The following GPC6 variants were observed in gnomAD, a reference collection of about 807,000 sequenced individuals.
GPC6 encodes glypican-6.
A neutral mutation model predicts 55.2 loss-of-function variants in GPC6; 14 were observed. That is an observed-to-expected ratio of 0.25 (90% CI 0.17 to 0.40). GPC6 has a LOEUF of 0.40. Ranked by LOEUF, GPC6 falls within the 10% of genes least tolerant of loss-of-function variation. The probability of loss-of-function intolerance (pLI) is 1.00; values close to 1 mark genes in which losing one functional copy is unlikely to be tolerated. For synonymous variants in GPC6, 278 were observed against 259.6 expected, an observed-to-expected ratio of 1.07 and a Z score of -0.68; for missense variants, 641 against 708.5, an observed-to-expected ratio of 0.90 and a Z score of 1.08.
chr13:93,927,177 A>C (rs988764178), intron 3 of GPC6, among the ~76,000 whole-genome samples: 3 of 152,210 alleles, frequency 2.0e-5, no homozygotes, highest in East Asian at 1.9e-4. Context: ...CTGCTAAGTC[A>C]TACAATATCT....
chr13:93,359,784 A>G (rs1422824291), intron 1 of GPC6, among the ~76,000 whole-genome samples: 1 of 152,214 alleles, frequency 6.6e-6, no homozygotes, highest in Non-Finnish European at 1.5e-5. Context: ...AAGTCTGCAA[A>G]CATAGAGCAT....
chr13:94,024,474 A>G (rs1167264357), intron 3 of GPC6, among the ~76,000 whole-genome samples: 1 of 152,130 alleles, frequency 6.6e-6, no homozygotes, highest in Non-Finnish European at 1.5e-5. Flanking sequence ...TTTTTATTTT[A>G]ATTCAAGCAT....
rs79335417 is a variant in GPC6, at chr13:94,051,910, G to A, written c.877+24016G>A. Among the ~76,000 whole-genome samples, 5 of 152,218 alleles carry A rather than the reference G, an allele frequency of 3.3e-5. No individual in the cohort carries two copies. In the East Asian group the frequency reaches 7.7e-4, roughly 24 times the overall value. On this transcript the variant is annotated intron_variant, in intron 4 of 8. Coordinates refer to ENST00000377047, the MANE Select transcript of GPC6 (RefSeq NM_005708.5). ...GTAAAGCATCATTAAATATATGAAA[G>A]TGTTTTGATTCAACAATATTCAGTA...
chr13:94,135,541 C>A (rs924053691), intron 4 of GPC6, among the ~76,000 whole-genome samples: 1 of 152,176 alleles, frequency 6.6e-6, no homozygotes, highest in African/African-American at 2.4e-5. Context: ...GTGCTAGAAC[C>A]TGCAGGGGAA....
At chr13:93,903,981 A>G (rs893033879) in intron 3 of GPC6, among the ~76,000 whole-genome samples, 3 of 152,054 alleles carry the variant, frequency 2.0e-5, no homozygotes, top group South Asian at 2.1e-4. Context: ...TGTCTTGCAC[A>G]TTTTGTGTTG....
intron 1 of GPC6, among the ~76,000 whole-genome samples, chr13:93,306,959 G>A (rs892184179): frequency 1.3e-5 from 2 of 152,082 alleles, no homozygotes; most frequent in Non-Finnish European, 2.9e-5. Context: ...TTTTATAATG[G>A]TGCTTAGAAG....
At chr13:94,196,768 T>G (rs1889589980) in intron 4 of GPC6, among the ~76,000 whole-genome samples, 1 of 152,200 alleles carries the variant, frequency 6.6e-6, no homozygotes. Flanking sequence ...TTTCAATTTC[T>G]TCCCATAACT....
intron 3 of GPC6, among the ~76,000 whole-genome samples, chr13:93,834,452 G>C (rs754098422): frequency 6.6e-5 from 10 of 152,158 alleles, no homozygotes; most frequent in Non-Finnish European, 8.8e-5. Context: ...TTCAAAGAAT[G>C]ATAAAAAGAA....
At chr13:93,661,524 C>G (rs528730285) in intron 2 of GPC6, among the ~76,000 whole-genome samples, 1 of 152,156 alleles carries the variant, frequency 6.6e-6, no homozygotes, top group East Asian at 1.9e-4. Context: ...TTCTTTTTAT[C>G]AACTCTCTTT....
intron 2 of GPC6, among the ~76,000 whole-genome samples, chr13:93,824,038 AT>A (rs1156790432): frequency 6.6e-6 from 1 of 152,162 alleles, no homozygotes; most frequent in African/African-American, 2.4e-5. Flanking sequence ...ATAAACTGTA[AT>A]TTAAAAAAAT....
intron 4 of GPC6, among the ~76,000 whole-genome samples, chr13:94,281,643 A>G (rs1388520082): frequency 6.6e-6 from 1 of 152,196 alleles, no homozygotes; most frequent in East Asian, 1.9e-4. Context: ...CTTACTGAAA[A>G]CAGCAGTAAG....
chr13:93,639,109 C>T (rs1051475580), intron 2 of GPC6, among the ~76,000 whole-genome samples: 6 of 151,756 alleles, frequency 4.0e-5, no homozygotes, highest in South Asian at 2.1e-4. Context: ...AAGTTTGTCA[C>T]GTAATACTAA....
chr13:93,801,693 T>C (rs1172661157), intron 2 of GPC6, among the ~76,000 whole-genome samples: 1 of 152,186 alleles, frequency 6.6e-6, no homozygotes, highest in Middle Eastern at 3.2e-3. Context: ...GGTGGAGATT[T>C]CTAGTCCATT....
chr13:94,241,951 G>T (rs1891066030), intron 4 of GPC6, among the ~76,000 whole-genome samples: 1 of 151,338 alleles, frequency 6.6e-6, no homozygotes, highest in African/African-American at 2.4e-5. Context: ...TAAGTTTTAG[G>T]GTACATGTGC....
chr13:94,292,682 G>A (rs1236715874), intron 5 of GPC6, among the ~76,000 whole-genome samples: 2 of 151,994 alleles, frequency 1.3e-5, no homozygotes, highest in African/African-American at 4.8e-5. Context: ...AGTTTCAGAT[G>A]GGATATCTCT....
intron 1 of GPC6, among the ~76,000 whole-genome samples, chr13:93,464,521 A>G (rs1878831827): frequency 6.6e-6 from 1 of 152,198 alleles, no homozygotes; most frequent in Non-Finnish European, 1.5e-5. Context: ...TTGCTCACCC[A>G]TAAGAAGCAA....
chr13:93,798,439 C>T (rs759219148), intron 2 of GPC6, among the ~76,000 whole-genome samples: 13 of 152,058 alleles, frequency 8.5e-5, no homozygotes, highest in South Asian at 2.1e-4. Flanking sequence ...ATTTAATAAG[C>T]GGCAGATGAT....
intron 3 of GPC6, among the ~76,000 whole-genome samples, chr13:93,980,572 C>T (rs547540614): frequency 9.9e-5 from 15 of 152,250 alleles, no homozygotes; most frequent in African/African-American, 3.6e-4. Flanking sequence ...CAGGTGCTTT[C>T]GATTCCCAGC....
intron 1 of GPC6, among the ~76,000 whole-genome samples, chr13:93,464,103 G>T (rs1392494419): frequency 2.0e-5 from 3 of 152,062 alleles, no homozygotes; most frequent in East Asian, 3.9e-4. Context: ...TCTTAATTTA[G>T]AAATACTTTA....
Sources: allele counts gnomAD v4.1 joint callset (sites outside exome capture counted in the v4.1 genomes callset), GRCh38; gene constraint gnomAD v4.1.1; transcripts MANE v1.5; gene names NCBI Gene and HGNC (gene_info 2026-07-23, HGNC 2026-07-21).